The following POU6F2 variants were observed in gnomAD, a reference collection of about 807,000 sequenced individuals.
POU6F2 encodes POU class 6 homeobox 2.
POU6F2 carries 31 observed loss-of-function variants against 71.3 expected under a neutral mutation model. The ratio of observed to expected loss-of-function variants is 0.43; its 90% CI spans 0.33 to 0.59. The LOEUF (loss-of-function observed/expected upper bound fraction) is 0.59. POU6F2 is among the 20% of genes least tolerant of loss of function. The pLI is 0.04. For synonymous variants in POU6F2, 347 were observed against 355.7 expected, an observed-to-expected ratio of 0.98 and a Z score of 0.27; for missense variants, 783 against 856.8, an observed-to-expected ratio of 0.91 and a Z score of 1.07.
At chr7:39,260,207 C>T (rs1215231729) in intron 4 of POU6F2, among the ~76,000 whole-genome samples, 1 of 148,978 alleles carries the variant, frequency 6.7e-6, no homozygotes, top group Non-Finnish European at 1.5e-5. Flanking sequence ...CAATACCACA[C>T]ACACCACACA....
intron 4 of POU6F2, among the ~76,000 whole-genome samples, chr7:39,242,712 A>G (rs1465333532): frequency 6.6e-6 from 1 of 152,184 alleles, no homozygotes; most frequent in African/African-American, 2.4e-5. Flanking sequence ...TCTAACAAAT[A>G]GACACTGAAC....
intron 2 of POU6F2, among the ~76,000 whole-genome samples, chr7:39,137,282 G>A (rs1562719613): frequency 6.6e-6 from 1 of 151,850 alleles, no homozygotes; most frequent in Admixed American, 6.6e-5. Flanking sequence ...CAACTGAAAA[G>A]AAAAAAGGAA....
At chr7:39,164,810 T>C (rs1169461749) in intron 2 of POU6F2, among the ~76,000 whole-genome samples, 2 of 152,140 alleles carry the variant, frequency 1.3e-5, no homozygotes, top group African/African-American at 4.8e-5. Flanking sequence ...GAATTTTGTG[T>C]CTGAAAGTTA....
intron 4 of POU6F2, among the ~76,000 whole-genome samples, chr7:39,209,522 A>G (rs1794096590): frequency 6.6e-6 from 1 of 152,200 alleles, no homozygotes; most frequent in South Asian, 2.1e-4. Flanking sequence ...GTTGCAAATC[A>G]GCTGGTTATA....
In POU6F2 at chr7:39,384,243, T is replaced by C. The variant is rs2115806068; in HGVS notation, c.973-22357T>C. ...ATAATAGATACTCTGTCCTGAGAAA[T>C]ACTTGCAATTGGTTTGGATCAAATG... On this transcript the variant is annotated intron_variant, in intron 5 of 9. Transcript: ENST00000518318. 1.3e-5 allele frequency among the ~76,000 whole-genome samples: 2 copies of C among 152,314 alleles called. 1 individual carries two copies. The highest frequency in any genetic ancestry group is 4.1e-4 in the South Asian group (2 of 4,824).
chr7:39,183,208 T>C (rs139745307), intron 2 of POU6F2, among the ~76,000 whole-genome samples: 3,223 of 152,282 alleles, frequency 0.021, 119 homozygotes, highest in African/African-American at 0.074. Context: ...TAATGCCTGA[T>C]GATCTGAGGT....
chr7:39,016,559 C>G (rs370613587), intron 1 of POU6F2, among the ~76,000 whole-genome samples: 6 of 152,058 alleles, frequency 3.9e-5, no homozygotes, highest in African/African-American at 9.7e-5. Context: ...TAGCTCCCCC[C>G]CCGCTTACAG....
At chr7:39,349,940 T>C (rs565642324) in intron 5 of POU6F2, among the ~76,000 whole-genome samples, 2 of 152,266 alleles carry the variant, frequency 1.3e-5, no homozygotes, top group African/African-American at 4.8e-5. Flanking sequence ...GGCAATTCTG[T>C]GTCCTTGGCC....
chr7:39,405,430 A>G (rs937565873), intron 5 of POU6F2, among the ~76,000 whole-genome samples: 2 of 152,214 alleles, frequency 1.3e-5, no homozygotes, highest in Non-Finnish European at 2.9e-5. Flanking sequence ...TGAATTAGGT[A>G]TGGCATTAAT....
intron 2 of POU6F2, among the ~76,000 whole-genome samples, chr7:39,134,264 G>A (rs941370461): frequency 6.6e-6 from 1 of 152,198 alleles, no homozygotes; most frequent in African/African-American, 2.4e-5. Flanking sequence ...CTATAAGGCA[G>A]TGGTTTTTAG....
At chr7:39,331,087 A>ATGT (rs963769291) in intron 4 of POU6F2, among the ~76,000 whole-genome samples, 3 of 152,182 alleles carry the variant, frequency 2.0e-5, no homozygotes, top group Non-Finnish European at 2.9e-5. Flanking sequence ...GGGTTCATTT[A>ATGT]TGTTGCTGCA....
chr7:39,211,263 C>G (rs1794138280), intron 4 of POU6F2, among the ~76,000 whole-genome samples: 1 of 152,150 alleles, frequency 6.6e-6, no homozygotes, highest in South Asian at 2.1e-4. Flanking sequence ...CAGCCAGAAT[C>G]AGAGACTCTT....
intron 2 of POU6F2, among the ~76,000 whole-genome samples, chr7:39,162,716 C>T (rs1793022395): frequency 6.6e-6 from 1 of 152,200 alleles, no homozygotes; most frequent in Non-Finnish European, 1.5e-5. Context: ...GTTAAACACT[C>T]TGGCTTTCTC....
In POU6F2 at chr7:39,340,027, G is replaced by A. The variant is rs778903192; in HGVS notation, c.972+12G>A. On this transcript the variant is annotated intron_variant, in intron 5 of 9. Coordinates refer to ENST00000518318, the MANE Select transcript of POU6F2 (RefSeq NM_001370959.1). ...CCAATCCTCTACAGGTATGCTCCCC[G>A]TGCTTCCCGTCTGCCCCTAGGAGCA... The A allele has an allele frequency of 1.6e-5, 26 of 1,588,724 alleles. No homozygotes were observed. The highest frequency in any genetic ancestry group is 9.1e-5 in the South Asian group (8 of 88,122).
chr7:39,264,553 A>T (rs1405155141), intron 4 of POU6F2, among the ~76,000 whole-genome samples: 1 of 152,048 alleles, frequency 6.6e-6, no homozygotes, highest in Non-Finnish European at 1.5e-5. Flanking sequence ...AAACCTGGCC[A>T]CTCAGTCCTC....
chr7:39,463,957 G>A (rs931779397), intron 9 of POU6F2, among the ~76,000 whole-genome samples: 2 of 152,188 alleles, frequency 1.3e-5, no homozygotes, highest in African/African-American at 4.8e-5. Flanking sequence ...GCATCCTGCT[G>A]TCTCTGCTTC....
chr7:39,360,812 C>T (rs1562802567), intron 5 of POU6F2, among the ~76,000 whole-genome samples: 2 of 152,188 alleles, frequency 1.3e-5, no homozygotes, highest in Non-Finnish European at 2.9e-5. Flanking sequence ...AACTTCCTGA[C>T]ATTGCTATGG....
chr7:39,304,776 T>A lies in POU6F2; in HGVS notation c.599-34866T>A, dbSNP rs1417650836. Among the ~76,000 whole-genome samples the A allele has an allele frequency of 5.9e-5, 9 of 152,148 alleles. No individual in the cohort carries two copies. In the East Asian group the frequency reaches 1.7e-3, roughly 29 times the overall value. ...GGTATCTTGCAGAAAATGTCTAAAT[T>A]CCTGGACAGTTTTACTGAATTAAGA... On this transcript the variant is annotated intron_variant, in intron 4 of 9. Transcript: ENST00000518318.
At chr7:39,326,179 G>A (rs1562790959) in intron 4 of POU6F2, among the ~76,000 whole-genome samples, 1 of 152,178 alleles carries the variant, frequency 6.6e-6, no homozygotes. Flanking sequence ...TCACCCAAAT[G>A]TATATTCTGT....
Sources: gnomAD v4.1 joint callset for allele counts (sites outside exome capture counted in the v4.1 genomes callset) on GRCh38, gnomAD v4.1.1 for gene constraint, MANE v1.5 for transcripts, NCBI Gene and HGNC (gene_info 2026-07-23, HGNC 2026-07-21) for gene names.